The following DISP1 variants were observed in gnomAD, a reference collection of about 807,000 sequenced individuals.
DISP1 encodes the protein protein dispatched homolog 1.
DISP1 carries 30 observed loss-of-function variants against 37.3 expected under a neutral mutation model. The observed-to-expected ratio is 0.80, with a 90% confidence interval of 0.60 to 1.09. DISP1 has a LOEUF of 1.09. Ranked by LOEUF, DISP1 falls within the 50% of genes least tolerant of loss-of-function variation. The pLI is 0.00. For synonymous variants in DISP1, 634 were observed against 690.2 expected (o/e 0.92, Z 1.28); for missense variants, 1,598 against 1,879.5 (o/e 0.85, Z 2.77).
chr1:222,878,227 A>G (rs1420630583), intron 1 of DISP1, among the ~76,000 whole-genome samples: 3 of 152,254 alleles, frequency 2.0e-5, no homozygotes, highest in South Asian at 2.1e-4. Flanking sequence ...AATTAGAGCT[A>G]GTACTGATAG....
chr1:222,936,541 C>A (rs60649710), intron 2 of DISP1, among the ~76,000 whole-genome samples: 22,088 of 128,894 alleles, frequency 0.17, 2,143 homozygotes, highest in East Asian at 0.25. Flanking sequence ...CTCTCTCTCT[C>A]TATATATATA....
rs2102794635 is a variant in DISP1, at chr1:223,002,374, T to C, written c.988-11T>C. The C allele has an allele frequency of 1.2e-6, 2 of 1,612,434 alleles. No individual in the cohort carries two copies. The highest frequency in any genetic ancestry group is 2.2e-5 in the South Asian group (2 of 91,048). On this transcript the variant is annotated splice_polypyrimidine_tract_variant and intron_variant, in intron 8 of 8. Coordinates refer to ENST00000675850, the MANE Select transcript of DISP1 (RefSeq NM_001377229.1). ...AAACTGTAGTCCTTCTGCTTGTCTCTATCTCTGCAGATCAGATCTCATCCC... is the reference window on the plus strand; with the variant it reads ...AAACTGTAGTCCTTCTGCTTGTCTCCATCTCTGCAGATCAGATCTCATCCC...
At chr1:222,942,651 TG>T (rs1674468163) in intron 2 of DISP1, among the ~76,000 whole-genome samples, 155 bp from the exon 3 acceptor site, 1 of 152,166 alleles carries the variant, frequency 6.6e-6, no homozygotes, top group African/African-American at 2.4e-5. Context: ...CTGTGTTGGC[TG>T]GTTCCATCAC....
chr1:222,925,162 C>T (rs1195511655), intron 1 of DISP1, among the ~76,000 whole-genome samples: 3 of 152,054 alleles, frequency 2.0e-5, no homozygotes, highest in Non-Finnish European at 4.4e-5. Flanking sequence ...TCTATTTTTA[C>T]ATGGACCCCA....
intron 1 of DISP1, among the ~76,000 whole-genome samples, chr1:222,833,481 G>A (rs1666272720): frequency 6.6e-6 from 1 of 152,182 alleles, no homozygotes; most frequent in South Asian, 2.1e-4. Context: ...CTGTTGAATA[G>A]TTTAGTTATA....
At chr1:222,881,925 A>G (rs760639128) in intron 1 of DISP1, among the ~76,000 whole-genome samples, 2 of 152,350 alleles carry the variant, frequency 1.3e-5, no homozygotes, top group South Asian at 2.1e-4. Context: ...TGTATTTGAC[A>G]TGTACACATA....
chr1:222,936,889 ATATAT>A (rs1357871015), intron 2 of DISP1, among the ~76,000 whole-genome samples: 1 of 33,404 alleles, frequency 3.0e-5, no homozygotes, highest in African/African-American at 9.2e-5. Flanking sequence ...GATATATATA[ATATAT>A]TATTTATATA....
intron 8 of DISP1, among the ~76,000 whole-genome samples, chr1:222,997,007 A>G (rs1348698833): frequency 1.3e-5 from 2 of 151,260 alleles, no homozygotes; most frequent in African/African-American, 2.5e-5. Flanking sequence ...TAAAAGTAGT[A>G]TAGTCTCTCA....
intron 3 of DISP1, among the ~76,000 whole-genome samples, chr1:222,964,297 CAA>C (rs11434945): frequency 7.2e-6 from 1 of 139,018 alleles, no homozygotes; most frequent in Non-Finnish European, 1.5e-5. Context: ...GACTCTATCT[CAA>C]AAAAAAAAAA....
chr1:222,977,185 A>G (rs941738213), intron 3 of DISP1, among the ~76,000 whole-genome samples: 3 of 144,298 alleles, frequency 2.1e-5, no homozygotes, highest in Middle Eastern at 6.5e-3. Flanking sequence ...ATGCACCACC[A>G]TGCCCGGCTA....
At chr1:222,906,425 CGCT>C (rs1671893006) in intron 1 of DISP1, among the ~76,000 whole-genome samples, 1 of 152,144 alleles carries the variant, frequency 6.6e-6, no homozygotes, top group African/African-American at 2.4e-5. Flanking sequence ...GTAAAAAAAA[CGCT>C]GCCATCTGCT....
chr1:222,820,420 G>A (rs1662552215), intron 1 of DISP1, among the ~76,000 whole-genome samples: 1 of 152,128 alleles, frequency 6.6e-6, no homozygotes, highest in Non-Finnish European at 1.5e-5. Flanking sequence ...TAAGGATAGG[G>A]AACACATGGA....
chr1:222,976,358 C>T (rs1473554407), intron 3 of DISP1, among the ~76,000 whole-genome samples: 1 of 152,060 alleles, frequency 6.6e-6, no homozygotes, highest in East Asian at 1.9e-4. Context: ...CCCTGGCTAG[C>T]CTCCTTTCAC....
intron 1 of DISP1, among the ~76,000 whole-genome samples, chr1:222,909,459 G>T (rs1192791865): frequency 1.3e-5 from 2 of 152,102 alleles, no homozygotes; most frequent in African/African-American, 4.8e-5. Flanking sequence ...TGTTATTCAG[G>T]ATCCCATTGA....
In DISP1 at chr1:222,928,501, G is replaced by T. The variant is rs1323423734; in HGVS notation, c.-87G>T. Reference sequence around the variant, plus strand: ...CTGCTGTGCTGTGATCCTGCAGTCAGTTGCCGCTGTTGCTACTGCAATCAT... The same window carrying T: ...CTGCTGTGCTGTGATCCTGCAGTCATTTGCCGCTGTTGCTACTGCAATCAT... On this transcript the variant is annotated 5_prime_UTR_variant, in exon 2 of 9. Transcript: ENST00000675850. 3.3e-5 allele frequency: 5 copies of T among 152,242 alleles called. No individual in the cohort carries two copies. The highest frequency in any genetic ancestry group is 5.9e-5 in the Non-Finnish European group (4 of 68,050). The allele number at this position is 152,242 out of a possible 1,614,324, so 9.4% of individuals were successfully genotyped here.
chr1:222,980,021 A>T (rs1438133232), intron 3 of DISP1, among the ~76,000 whole-genome samples: 1 of 152,238 alleles, frequency 6.6e-6, no homozygotes, highest in Non-Finnish European at 1.5e-5. Context: ...CTGCTGAATT[A>T]GGCATGGAAG....
intron 1 of DISP1, among the ~76,000 whole-genome samples, chr1:222,918,673 G>A (rs71644718): frequency 0.11 from 17,286 of 152,222 alleles, 1,339 homozygotes; most frequent in Non-Finnish European, 0.16. Context: ...AGCAAGAGAT[G>A]GGTCTCTCAT....
chr1:223,004,060 T>C lies in DISP1; in HGVS notation c.2663T>C (p.Leu888Pro). ...SFPYKQEIFE[L>P]CIKRAIMELE... ...CCCTACAAGCAAGAGATTTTTGAACTGTGCATCAAGAGAGCTATCATGGAG... is the reference window on the plus strand; with the variant it reads ...CCCTACAAGCAAGAGATTTTTGAACCGTGCATCAAGAGAGCTATCATGGAG... The change falls in exon 9 of 9, where the codon CTG becomes CCG. Residue 888 changes from leucine (L) to proline (P), a missense_variant. Transcript: ENST00000675850. This position sits in a 1 kb window ranked among gnomAD's most constrained non-coding sequence, Gnocchi z 4.9. 6.2e-7 allele frequency: 1 copy of C among 1,614,190 alleles called. No homozygotes were observed. Among genetic ancestry groups the C allele is most frequent in the Non-Finnish European group, 8.5e-7 (1 of 1,180,028 alleles).
intron 8 of DISP1, among the ~76,000 whole-genome samples, chr1:222,997,675 G>A (rs1451760373): frequency 6.6e-6 from 1 of 152,116 alleles, no homozygotes; most frequent in Non-Finnish European, 1.5e-5. Context: ...TCTTTCTACC[G>A]AGTTGATAAG....
Sources: allele counts gnomAD v4.1 joint callset (sites outside exome capture counted in the v4.1 genomes callset), GRCh38; gene constraint gnomAD v4.1.1; non-coding constraint Gnocchi (gnomAD v3.1); transcripts MANE v1.5; gene names NCBI Gene and HGNC (gene_info 2026-07-23, HGNC 2026-07-21).